The following POLL variants were observed in gnomAD, a reference collection of about 807,000 sequenced individuals.
The protein encoded by POLL is DNA polymerase lambda.
POLL carries 44 observed loss-of-function variants against 58.1 expected under a neutral mutation model. That is an observed-to-expected ratio of 0.76 (90% CI 0.60 to 0.97). The LOEUF (loss-of-function observed/expected upper bound fraction) is 0.97, where lower values mean the gene tolerates loss of function less well. Among genes scored for constraint, POLL ranks in the 50% least tolerant of loss-of-function variants. The pLI is 0.00. For missense variants in POLL, 632 were observed against 736.8 expected (o/e 0.86, Z 1.65); for synonymous variants, 290 against 283.2 (o/e 1.02, Z -0.24).
At chr10:101,587,219 G>T in intron 2 of POLL, 27 bp downstream of exon 2, 1 of 1,613,702 alleles carries the variant, frequency 6.2e-7, no homozygotes, top group South Asian at 1.1e-5. Flanking sequence ...TCAAGCACAC[G>T]AGGGTTCTGA....
intron 7 of POLL, among the ~76,000 whole-genome samples, chr10:101,582,555 G>A (rs879148533): frequency 6.6e-6 from 1 of 152,122 alleles, no homozygotes; most frequent in South Asian, 2.1e-4. Flanking sequence ...TAGAGGGCTG[G>A]TGTTACAGCT....
chr10:101,582,619 A>T, intron 7 of POLL, 144 bp downstream of exon 7: 4 of 845,116 alleles, frequency 4.7e-6, no homozygotes, highest in Non-Finnish European at 5.8e-6. Context: ...TTCAGTCTTA[A>T]CTTGCTCTGT....
At chr10:101,584,974 T>A in intron 4 of POLL, 55 bp from the exon 5 acceptor site, 1 of 1,076,106 alleles carries the variant, frequency 9.3e-7, no homozygotes, top group Non-Finnish European at 1.2e-6. Flanking sequence ...AGAGAAGGGA[T>A]CCTTAAAGGT....
chr10:101,582,561 C>T (rs1234591742), intron 7 of POLL, among the ~76,000 whole-genome samples: 3 of 152,158 alleles, frequency 2.0e-5, no homozygotes, highest in Non-Finnish European at 2.9e-5. Context: ...GCTGGTGTTA[C>T]AGCTCTTTCC....
intron 2 of POLL, 89 bp from the exon 3 acceptor site, chr10:101,586,245 C>A: frequency 8.7e-7 from 1 of 1,155,700 alleles, no homozygotes; most frequent in South Asian, 1.4e-5. Flanking sequence ...CTAACATGAT[C>A]TGAATGACGT....
In POLL at chr10:101,586,056, T is replaced by C. The variant is rs779648167; in HGVS notation, c.216A>G (p.Leu72=). The change falls in exon 3 of 9, where the codon CTA becomes CTG. Residue 72 remains leucine, a synonymous_variant. Transcript: ENST00000370162. The part of the protein sequence containing the change: ...EKQIVQHGGQ[L]CPAQGPGVTH... ...TGACACCTGGGCCCTGGGCAGGGCA[T>C]AGCTGGCCGCCATGCTGAACAATCT... The C allele has an allele frequency of 8.7e-6, 14 of 1,614,092 alleles. No individual in the cohort carries two copies. Among genetic ancestry groups the C allele is most frequent in the Non-Finnish European group, 1.1e-5 (13 of 1,180,012 alleles).
At chr10:101,587,113 C>A (rs773936824) in intron 2 of POLL, 133 bp downstream of exon 2, 22 of 1,601,602 alleles carry the variant, frequency 1.4e-5, no homozygotes, top group South Asian at 8.9e-5. Flanking sequence ...AAGGTAGATA[C>A]AAACAGACCT....
intron 2 of POLL, 43 bp from the exon 3 acceptor site, chr10:101,586,199 A>T (rs763387363): frequency 1.3e-6 from 2 of 1,554,648 alleles, no homozygotes; most frequent in Non-Finnish European, 1.8e-6. Flanking sequence ...TAACTTTTTA[A>T]TTTTTATCTG....
intron 4 of POLL, 74 bp downstream of exon 4, chr10:101,585,242 G>T: frequency 7.5e-7 from 1 of 1,334,956 alleles, no homozygotes; most frequent in Non-Finnish European, 1.0e-6. Context: ...TTTCTGAACA[G>T]CCACCAGGCC....
chr10:101,587,219 G>C, intron 2 of POLL, 27 bp downstream of exon 2: 1 of 1,613,702 alleles, frequency 6.2e-7, no homozygotes, highest in Non-Finnish European at 8.5e-7. Context: ...TCAAGCACAC[G>C]AGGGTTCTGA....
At chr10:101,583,910 T>C (rs1485093074) in intron 5 of POLL, among the ~76,000 whole-genome samples, 2 of 152,060 alleles carry the variant, frequency 1.3e-5, no homozygotes, top group Admixed American at 6.6e-5. Flanking sequence ...AGACCAGCAG[T>C]AAGAAGTAGA....
chr10:101,587,933 G>C lies in POLL; in HGVS notation c.-158C>G. The C allele has an allele frequency of 8.1e-7, 1 of 1,232,950 alleles. No individual in the cohort carries two copies. Among genetic ancestry groups the C allele is most frequent in the African/African-American group, 1.5e-5 (1 of 64,728 alleles). 76.4% of individuals were successfully genotyped at this position (1,232,950 alleles called of 1,614,324 possible). A position where few individuals can be genotyped will look rare whatever the true frequency, so the allele number is the denominator to read the frequency against. On this transcript the variant is annotated 5_prime_UTR_variant, in exon 1 of 9. Transcript: ENST00000370162. ...CATGGGGGTGCTCAGCGCCGCAGCT[G>C]CGGGGAGATGGGGCACGGCCGCAGC... is the stretch of plus-strand genomic sequence containing the variant.
chr10:101,584,616 C>G lies in POLL; in HGVS notation c.877G>C (p.Val293Leu). Residue 293 changes from valine to leucine, a missense_variant, in exon 5 of 9, where the codon GTC becomes CTC. Val to Leu is a conservative substitution (Grantham distance 32). Coordinates refer to ENST00000370162, the MANE Select transcript of POLL (RefSeq NM_001174084.2). Reference protein sequence around the residue: ...INALKSFHKPVTSYQEACSIP... With the variant: ...INALKSFHKPLTSYQEACSIP... ...CCCCTGGGTACCTGGTACGAGGTGA[C>G]AGGCTTATGGAAGCTCTTGAGGGCA... 1 of 1,569,802 alleles carries G rather than the reference C, an allele frequency of 6.4e-7. No individual in the cohort carries two copies. Among genetic ancestry groups the G allele is most frequent in the Non-Finnish European group, 8.6e-7 (1 of 1,156,630 alleles).
At chr10:101,583,426 C>T in intron 6 of POLL, 82 bp downstream of exon 6, 5 of 1,466,728 alleles carry the variant, frequency 3.4e-6, no homozygotes, top group Non-Finnish European at 4.7e-6. Flanking sequence ...GCATAGGGAT[C>T]TGGGGCAGAG....
chr10:101,585,963 C>T lies in POLL; in HGVS notation c.309G>A (p.Leu103=). ...ACTTCACCAGCTGAGCACCCGGGGG[C>T]AGCTGGGGTAGTCTGAGAAGGCGGA... ...RALRLLRLPQ[L]PPGAQLVKSA... is the part of the protein sequence containing the mutation. The change falls in exon 3 of 9, where the codon CTG becomes CTA. Residue 103 remains leucine, a synonymous_variant. Transcript: ENST00000370162. 4 of 1,614,114 alleles carry T rather than the reference C, an allele frequency of 2.5e-6. No individual in the cohort carries two copies. Among genetic ancestry groups the T allele is most frequent in the Non-Finnish European group, 3.4e-6 (4 of 1,180,014 alleles).
chr10:101,585,418 G>C lies in POLL; in HGVS notation c.471C>G (p.Thr157=). 6.2e-7 allele frequency: 1 copy of C among 1,606,516 alleles called. No homozygotes were observed. The highest frequency in any genetic ancestry group is 1.1e-5 in the South Asian group (1 of 89,640). ...AEQDASIPPG[T]HEALLQTALS... ...GGGCTGTCTGAAGCAGGGCCTCATGGGTGCCAGGAGGAATAGAAGCATCCT... is the reference window on the plus strand; with the variant it reads ...GGGCTGTCTGAAGCAGGGCCTCATGCGTGCCAGGAGGAATAGAAGCATCCT... Residue 157 remains threonine (T), a synonymous_variant, in exon 4 of 9, where the codon ACC becomes ACG. Transcript: ENST00000370162.
chr10:101,579,257 G>A lies in POLL; in HGVS notation c.*196C>T, dbSNP rs187367528. ...CCTGCTCCTGTCTGGGAGAGGGCTG[G>A]GCAGACACTGGGAGCCGGGCAGACA... On this transcript the variant is annotated 3_prime_UTR_variant, in exon 9 of 9. Transcript: ENST00000370162. This position sits in a 1 kb window ranked among gnomAD's most constrained non-coding sequence, Gnocchi z 4.4. 4.8e-6 allele frequency: 3 copies of A among 626,274 alleles called. No homozygotes were observed. The Admixed American group carries it at 9.1e-5, about 19-fold the overall frequency. 38.8% of individuals were successfully genotyped at this position (626,274 alleles called of 1,614,324 possible).
chr10:101,583,530 G>C lies in POLL; in HGVS notation c.1043C>G (p.Thr348Ser). Residue 348 changes from threonine (T) to serine (S), a missense_variant, in exon 6 of 9, where the codon ACT (threonine) becomes AGT (serine). Physicochemically the swap from Thr to Ser is moderately conservative, Grantham distance 58 (BLOSUM62 1). Transcript: ENST00000370162. ...FSNIWGAGTK[T>S]AQMWYQQGFR... is the part of the protein sequence containing the mutation. ...GACCTGTTGGTACCACATCTGGGCA[G>C]TCTTGGTCCCAGCTCCCCAGATGTT... 1.2e-6 allele frequency: 2 copies of C among 1,613,360 alleles called. No homozygotes were observed. The highest frequency in any genetic ancestry group is 1.3e-5 in the African/African-American group (1 of 75,040).
chr10:101,579,439 C>G lies in POLL; in HGVS notation c.*14G>C, dbSNP rs780401773. 6.3e-7 allele frequency: 1 copy of G among 1,591,280 alleles called. No individual in the cohort carries two copies. The highest frequency in any genetic ancestry group is 8.5e-7 in the Non-Finnish European group (1 of 1,170,384). On this transcript the variant is annotated 3_prime_UTR_variant, in exon 9 of 9. Coordinates refer to ENST00000370162, the MANE Select transcript of POLL (RefSeq NM_001174084.2). The surrounding 1 kb of genome is among the most constrained non-coding windows in gnomAD (Gnocchi z 4.4). ...CAGTCCAACTCGGCTCTCCTCAGCA[C>G]CCCCAGCCATGGGTCACCAGTCCCG...
Sources: gnomAD v4.1 joint callset for allele counts (sites outside exome capture counted in the v4.1 genomes callset) on GRCh38, gnomAD v4.1.1 for gene constraint, Gnocchi (gnomAD v3.1) non-coding constraint, MANE v1.5 for transcripts, NCBI Gene and HGNC (gene_info 2026-07-23, HGNC 2026-07-21) for gene names.